BMPR1B: variants seen among roughly 807,000 people sequenced by gnomAD.
BMPR1B encodes the protein bone morphogenetic protein receptor type-1B.
A neutral mutation model predicts 59.1 loss-of-function variants in BMPR1B; 12 were observed. The ratio of observed to expected loss-of-function variants is 0.20; its 90% CI spans 0.13 to 0.33. BMPR1B has a LOEUF of 0.33. Among genes scored for constraint, BMPR1B ranks in the 10% least tolerant of loss-of-function variants. The pLI is 1.00. For synonymous variants in BMPR1B, 237 were observed against 207.3 expected, an observed-to-expected ratio of 1.14 and a Z score of -1.23; for missense variants, 550 against 610.9, an observed-to-expected ratio of 0.90 and a Z score of 1.05.
At chr4:95,041,936 G>C (rs142857545) in intron 3 of BMPR1B, among the ~76,000 whole-genome samples, 38 of 152,018 alleles carry the variant, frequency 2.5e-4, no homozygotes, top group African/African-American at 9.2e-4. Flanking sequence ...TTCACTGCAA[G>C]CTCCACCTCC....
At position 94,791,870 on chromosome 4, in the gene BMPR1B, A is replaced by G. The variant is rs72885829; in HGVS notation, c.-183+33802A>G. ...TCCCACTCCCACGTCTCTACTCCCT[A>G]TTCATTTTCTGAAATGAATAGAGCA... On this transcript the variant is annotated intron_variant, in intron 1 of 12. Coordinates refer to ENST00000515059, the MANE Select transcript of BMPR1B (RefSeq NM_001203.3). Among the ~76,000 whole-genome samples the G allele has an allele frequency of 1.6e-3, 238 of 150,140 alleles. 1 individual carries two copies. The highest frequency in any genetic ancestry group is 5.5e-3 in the African/African-American group (225 of 40,696).
chr4:94,793,436 G>A (rs1723060522), intron 1 of BMPR1B, among the ~76,000 whole-genome samples: 1 of 151,206 alleles, frequency 6.6e-6, no homozygotes, highest in African/African-American at 2.4e-5. Flanking sequence ...ATTTGGGTTG[G>A]TTCCAAGTCT....
intron 3 of BMPR1B, among the ~76,000 whole-genome samples, chr4:95,065,520 G>A (rs1031754450): frequency 4.6e-5 from 7 of 152,132 alleles, no homozygotes; most frequent in Admixed American, 2.0e-4. Flanking sequence ...CAGAATAAGG[G>A]AGGTGAAGGA....
chr4:94,929,752 C>T (rs748041192), intron 2 of BMPR1B, among the ~76,000 whole-genome samples: 1 of 152,028 alleles, frequency 6.6e-6, no homozygotes, highest in Non-Finnish European at 1.5e-5. Flanking sequence ...GCACAGGTCT[C>T]TCTCTTATGC....
intron 1 of BMPR1B, among the ~76,000 whole-genome samples, chr4:94,786,814 G>C (rs974372214): frequency 7.2e-5 from 11 of 152,122 alleles, no homozygotes; most frequent in East Asian, 5.8e-4. Flanking sequence ...AAAGTGCTGG[G>C]ATTACAGGCG....
At chr4:94,964,808 T>C (rs947018570) in intron 2 of BMPR1B, among the ~76,000 whole-genome samples, 1 of 152,144 alleles carries the variant, frequency 6.6e-6, no homozygotes, top group Non-Finnish European at 1.5e-5. Context: ...GGTTTTCTTA[T>C]CTTTGAAATG....
intron 10 of BMPR1B, among the ~76,000 whole-genome samples, chr4:95,133,907 T>G (rs943584501): frequency 6.6e-6 from 1 of 151,996 alleles, no homozygotes; most frequent in African/African-American, 2.4e-5. Flanking sequence ...TTTTAAGTTC[T>G]AGGGTACACG....
chr4:94,927,933 A>G (rs1728952644), intron 2 of BMPR1B, among the ~76,000 whole-genome samples: 1 of 152,012 alleles, frequency 6.6e-6, no homozygotes, highest in African/African-American at 2.4e-5. Flanking sequence ...TTTGGCAGCT[A>G]ATTGGATATG....
At chr4:94,907,847 A>G (rs1440951314) in intron 2 of BMPR1B, among the ~76,000 whole-genome samples, 2 of 151,694 alleles carry the variant, frequency 1.3e-5, no homozygotes, top group African/African-American at 4.8e-5. Flanking sequence ...TAGTAGTAAA[A>G]TGAATATGAA....
chr4:95,131,595 T>A, intron 10 of BMPR1B, 83 bp downstream of exon 10: 1 of 1,456,144 alleles, frequency 6.9e-7, no homozygotes, highest in Non-Finnish European at 9.6e-7. Flanking sequence ...TCTAGGATAT[T>A]TAGTAGAAGA....
At chr4:95,074,098 G>GTT (rs143363287) in intron 3 of BMPR1B, among the ~76,000 whole-genome samples, 20 of 147,266 alleles carry the variant, frequency 1.4e-4, no homozygotes, top group Admixed American at 2.0e-4. Flanking sequence ...CTTGGTAAGT[G>GTT]TTTTTTTTTT....
chr4:94,814,962 G>T (rs1324912447), intron 1 of BMPR1B, among the ~76,000 whole-genome samples: 2 of 151,674 alleles, frequency 1.3e-5, no homozygotes, highest in Non-Finnish European at 1.5e-5. Flanking sequence ...GGAGTGCAAT[G>T]GCGCCATCTT....
intron 1 of BMPR1B, among the ~76,000 whole-genome samples, chr4:94,870,988 GA>G (rs1366228859): frequency 6.6e-6 from 1 of 151,822 alleles, no homozygotes; most frequent in Non-Finnish European, 1.5e-5. Flanking sequence ...AAATGATGAT[GA>G]TTTTTTTGGC....
intron 3 of BMPR1B, among the ~76,000 whole-genome samples, chr4:95,072,310 C>T (rs893904186): frequency 6.6e-6 from 1 of 152,192 alleles, no homozygotes; most frequent in Non-Finnish European, 1.5e-5. Flanking sequence ...CCCTCACTTA[C>T]ATAAACACTC....
chr4:94,887,339 A>G (rs1411118335), intron 2 of BMPR1B, among the ~76,000 whole-genome samples: 1 of 150,134 alleles, frequency 6.7e-6, no homozygotes, highest in Non-Finnish European at 1.5e-5. Flanking sequence ...ATTGAAAAAG[A>G]TCAGATAGTG....
At chr4:95,148,284 G>A (rs1223137806) in intron 10 of BMPR1B, among the ~76,000 whole-genome samples, 1 of 152,148 alleles carries the variant, frequency 6.6e-6, no homozygotes, top group African/African-American at 2.4e-5. Flanking sequence ...AAAATAGGAG[G>A]GGAAGGAAGA....
At chr4:94,797,646 A>T (rs1402688917) in intron 1 of BMPR1B, among the ~76,000 whole-genome samples, 1 of 152,226 alleles carries the variant, frequency 6.6e-6, no homozygotes, top group Non-Finnish European at 1.5e-5. Flanking sequence ...ATTTACCTAA[A>T]TAACAAGGCT....
Position 95,153,054 on chromosome 4 carries a change from C to T in BMPR1B, c.1383+281C>T, listed in dbSNP as rs28411059. On this transcript the variant is annotated intron_variant, in intron 12 of 12. Transcript: ENST00000515059. ...ATTTTCTTTATTTATAATGTCTTGA[C>T]ATTTGCATAAAACCTATTATTTCTC... is the stretch of plus-strand genomic sequence containing the variant. Among the ~76,000 whole-genome samples, 3,246 of 152,162 alleles carry T rather than the reference C, an allele frequency of 0.021. 119 individuals are homozygous for T. The highest frequency in any genetic ancestry group is 0.075 in the African/African-American group (3,095 of 41,504).
At chr4:94,869,459 G>A (rs1726393210) in intron 1 of BMPR1B, among the ~76,000 whole-genome samples, 1 of 152,026 alleles carries the variant, frequency 6.6e-6, no homozygotes, top group Non-Finnish European at 1.5e-5. Flanking sequence ...AGTGTATATG[G>A]CCAGCTCTTT....
Sources: allele counts gnomAD v4.1 joint callset (sites outside exome capture counted in the v4.1 genomes callset), GRCh38; gene constraint gnomAD v4.1.1; transcripts MANE v1.5; gene names NCBI Gene and HGNC (gene_info 2026-07-23, HGNC 2026-07-21).